The following ALK variants were observed in gnomAD, a reference collection of about 807,000 sequenced individuals.
ALK encodes ALK tyrosine kinase receptor.
ALK carries 74 observed loss-of-function variants against 163.1 expected under a neutral mutation model. The observed-to-expected ratio is 0.45, with a 90% CI of 0.38 to 0.55. The LOEUF is 0.55. Among genes scored for constraint, ALK ranks in the 20% least tolerant of loss-of-function variants. The probability of loss-of-function intolerance (pLI) is 0.00; values close to 1 mark genes in which losing one functional copy is unlikely to be tolerated. For synonymous variants in ALK, 960 were observed against 843.2 expected (o/e 1.14, Z -2.40); for missense variants, 2,063 against 2,105.3 (o/e 0.98, Z 0.39).
At chr2:29,673,770 G>C (rs1438379673) in intron 3 of ALK, among the ~76,000 whole-genome samples, 1 of 150,618 alleles carries the variant, frequency 6.6e-6, no homozygotes. Flanking sequence ...ACCTTGGGCA[G>C]TATGGCCATT....
At chr2:29,478,899 C>T (rs1671592343) in intron 4 of ALK, among the ~76,000 whole-genome samples, 1 of 152,182 alleles carries the variant, frequency 6.6e-6, no homozygotes, top group Non-Finnish European at 1.5e-5. Context: ...ACTGTTAAGA[C>T]ATGTCCCCAG....
chr2:29,601,415 A>G (rs1010569041), intron 3 of ALK, among the ~76,000 whole-genome samples: 9 of 152,142 alleles, frequency 5.9e-5, no homozygotes, highest in African/African-American at 1.9e-4. Flanking sequence ...TTGAGTATCA[A>G]ATGCAAGGAT....
chr2:29,774,358 T>G (rs1482733175), intron 1 of ALK, among the ~76,000 whole-genome samples: 1 of 152,200 alleles, frequency 6.6e-6, no homozygotes, highest in Non-Finnish European at 1.5e-5. Flanking sequence ...GTTGAAGCTG[T>G]GGGGCTTTCT....
chr2:29,889,289 C>A (rs368166998), intron 1 of ALK, among the ~76,000 whole-genome samples: 1 of 151,732 alleles, frequency 6.6e-6, no homozygotes, highest in Non-Finnish European at 1.5e-5. Flanking sequence ...CATATACTCT[C>A]TATATATATC....
intron 4 of ALK, among the ~76,000 whole-genome samples, chr2:29,443,123 C>T (rs2148083600): frequency 6.6e-6 from 1 of 152,322 alleles, no homozygotes; most frequent in South Asian, 2.1e-4. Flanking sequence ...TTTAACTAAA[C>T]TTTCGCTTCT....
chr2:29,752,146 G>A (rs1680382138), intron 1 of ALK, among the ~76,000 whole-genome samples: 1 of 152,064 alleles, frequency 6.6e-6, no homozygotes, highest in African/African-American at 2.4e-5. Context: ...AAAGCTATGT[G>A]CATTCAGTAG....
At chr2:29,843,457 G>C (rs1189636966) in intron 1 of ALK, among the ~76,000 whole-genome samples, 4 of 152,098 alleles carry the variant, frequency 2.6e-5, no homozygotes, top group Admixed American at 2.6e-4. Flanking sequence ...AGAAGAAAGG[G>C]AGGCAGGAAT....
intron 4 of ALK, among the ~76,000 whole-genome samples, chr2:29,496,405 G>A (rs1672025075): frequency 6.6e-6 from 1 of 152,138 alleles, no homozygotes; most frequent in African/African-American, 2.4e-5. Flanking sequence ...CACTGCATAT[G>A]GCAGTGCAGG....
rs769694344 is a variant in ALK, at chr2:29,193,784, C to G, written c.4303G>C (p.Glu1435Gln). ...GGTGGTGGGGCAGCTGGGCTGCGCT[C>G]CTCCTCCCGTTTTGCCTGTTGAGAG... ...LVSQQAKREE[E>Q]RSPAAPPPLP... The change falls in exon 29 of 29, where the codon GAG (glutamate) becomes CAG (glutamine). Residue 1435 changes from glutamate to glutamine, a missense_variant. This residue lies in a region of ALK where 403 missense variants were observed against 366.2 expected (regional missense o/e 1.10). Transcript: ENST00000389048. 6.3e-7 allele frequency: 1 copy of G among 1,591,040 alleles called. No individual in the cohort carries two copies. Among genetic ancestry groups the G allele is most frequent in the South Asian group, 1.1e-5 (1 of 88,014 alleles).
chr2:29,491,981 G>A (rs1671914136), intron 4 of ALK, among the ~76,000 whole-genome samples: 1 of 151,946 alleles, frequency 6.6e-6, no homozygotes, highest in African/African-American at 2.4e-5. Context: ...TTACATAACA[G>A]CAATTCTAAT....
In ALK at chr2:29,376,602, T is replaced by C. The variant is rs1434134901; in HGVS notation, c.1282+7130A>G. The stretch of plus-strand genomic sequence containing the variant: ...TGGATGGATGGATAGCTGAGCCTGC[T>C]ACATACAGAGTTTGCTGCTGGCAGC... On this transcript the variant is annotated intron_variant, in intron 5 of 28. Transcript: ENST00000389048. Among the ~76,000 whole-genome samples, 3 of 152,232 alleles carry C rather than the reference T, an allele frequency of 2.0e-5. No individual in the cohort carries two copies. In the East Asian group the frequency reaches 5.8e-4, roughly 29 times the overall value.
intron 3 of ALK, among the ~76,000 whole-genome samples, chr2:29,564,305 C>T (rs1027728475): frequency 6.6e-6 from 1 of 152,084 alleles, no homozygotes; most frequent in Non-Finnish European, 1.5e-5. Context: ...TTCTTCTTAC[C>T]CAACTATCCT....
intron 4 of ALK, among the ~76,000 whole-genome samples, chr2:29,401,126 C>A (rs1669434470): frequency 6.6e-6 from 1 of 152,162 alleles, no homozygotes; most frequent in Non-Finnish European, 1.5e-5. Flanking sequence ...GCTCCTTTAG[C>A]TACTCCCACC....
At position 29,420,655 on chromosome 2, in the gene ALK, G is replaced by A. The variant is rs543745138; in HGVS notation, c.1155-36796C>T. Among the ~76,000 whole-genome samples, 121 of 151,560 alleles carry A rather than the reference G, an allele frequency of 8.0e-4. 5 individuals carry two copies. Among genetic ancestry groups the A allele is most frequent in the African/African-American group, 2.9e-3 (118 of 40,906 alleles). On this transcript the variant is annotated intron_variant, in intron 4 of 28. Transcript: ENST00000389048. ...ATGAATGAAGCCATTTAAGAGTGGG[G>A]CCCGCGACTCCTCTGTGCGGATGAA...
In ALK at chr2:29,694,884, C is replaced by T. The variant is rs766079302; in HGVS notation, c.918G>A (p.Gly306=). The change falls in exon 3 of 29, where the codon GGG becomes GGA. Residue 306 remains glycine (G), a synonymous_variant. Transcript: ENST00000389048. ...TCTCCTTAGAACGCTCTGCCCCAGG[C>T]CCATCCAGCAAGTCCATCTGGGAGG... ...EEASQMDLLD[G]PGAERSKEMP... is the part of the protein sequence containing the mutation. 6.2e-7 allele frequency: 1 copy of T among 1,614,036 alleles called. No homozygotes were observed. The highest frequency in any genetic ancestry group is 8.5e-7 in the Non-Finnish European group (1 of 1,179,976).
Position 29,727,450 on chromosome 2 carries a change from G to A in ALK, c.668-9753C>T, listed in dbSNP as rs1006004509. On this transcript the variant is annotated intron_variant, in intron 1 of 28. Transcript: ENST00000389048. ...ATAGGCTGATGTGCTAGAGAACTGT[G>A]TTCTCAGATACAGCAGTGTTACTGC... Among the ~76,000 whole-genome samples the A allele has an allele frequency of 4.6e-5, 7 of 152,218 alleles. No homozygotes were observed. The South Asian group carries it at 1.4e-3, about 32-fold the overall frequency.
At chr2:29,821,590 C>G (rs959822138) in intron 1 of ALK, among the ~76,000 whole-genome samples, 2 of 152,170 alleles carry the variant, frequency 1.3e-5, no homozygotes, top group African/African-American at 4.8e-5. Flanking sequence ...GAAGCTGGTG[C>G]CATCCCCAGC....
In ALK at chr2:29,855,469, C is replaced by T. The variant is rs566711758; in HGVS notation, c.667+64524G>A. On this transcript the variant is annotated intron_variant, in intron 1 of 28. Transcript: ENST00000389048. ...CTTCTACCAAGAGATCACTACCTCACACCCCTGGGGATATGAAAATGTAAA... is the reference window on the plus strand; with the variant it reads ...CTTCTACCAAGAGATCACTACCTCATACCCCTGGGGATATGAAAATGTAAA... 2.6e-5 allele frequency among the ~76,000 whole-genome samples: 4 copies of T among 152,292 alleles called. No homozygotes were observed. In the East Asian group the frequency reaches 7.7e-4, roughly 29 times the overall value.
chr2:29,578,596 C>T (rs775576132), intron 3 of ALK, among the ~76,000 whole-genome samples: 1 of 152,208 alleles, frequency 6.6e-6, no homozygotes, highest in Non-Finnish European at 1.5e-5. Flanking sequence ...TGAAGGCATT[C>T]TCTGGCTTTC....
Sources: gnomAD v4.1 joint callset for allele counts (sites outside exome capture counted in the v4.1 genomes callset) on GRCh38, gnomAD v4.1.1 for gene constraint, gnomAD v4.1.1 regional missense constraint, MANE v1.5 for transcripts, NCBI Gene and HGNC (gene_info 2026-07-23, HGNC 2026-07-21) for gene names.